FBXL5: variants seen among roughly 807,000 people sequenced by gnomAD.
FBXL5 encodes F-box/LRR-repeat protein 5.
Under a neutral mutation model 78.3 loss-of-function variants are expected in FBXL5, and 26 were observed. The observed-to-expected ratio is 0.33, with a 90% CI of 0.24 to 0.46. The LOEUF is 0.46. Among genes scored for constraint, FBXL5 ranks in the 20% least tolerant of loss-of-function variants. The probability of loss-of-function intolerance (pLI) is 1.00; values close to 1 mark genes in which losing one functional copy is unlikely to be tolerated. For synonymous variants in FBXL5, 295 were observed against 282.5 expected (o/e 1.04, Z -0.45); for missense variants, 710 against 829.2 (o/e 0.86, Z 1.77).
intron 6 of FBXL5, 151 bp downstream of exon 6, chr4:15,630,515 T>A: frequency 1.7e-6 from 1 of 589,562 alleles, no homozygotes; most frequent in Middle Eastern, 5.1e-4. Flanking sequence ...ATTTCATTAT[T>A]ATTCCTTCAA....
upstream of FBXL5, among the ~76,000 whole-genome samples, chr4:15,659,521 C>T (rs915209286): frequency 6.6e-6 from 1 of 152,102 alleles, no homozygotes; most frequent in Non-Finnish European, 1.5e-5. Context: ...TGAGCTGCAC[C>T]GCAAACTACG....
intron 1 of FBXL5, among the ~76,000 whole-genome samples, chr4:15,647,000 A>AT (rs1212546538): frequency 6.6e-6 from 1 of 151,906 alleles, no homozygotes; most frequent in African/African-American, 2.4e-5. Context: ...AGGTGAGTGG[A>AT]TTACCTGAGG....
chr4:15,654,881 G>C (rs1418884442), intron 1 of FBXL5, among the ~76,000 whole-genome samples: 1 of 152,150 alleles, frequency 6.6e-6, no homozygotes, highest in Non-Finnish European at 1.5e-5. Flanking sequence ...AGGCAGCAGC[G>C]GGAGTCCCAG....
intron 10 of FBXL5, among the ~76,000 whole-genome samples, chr4:15,610,882 C>T (rs899121439): frequency 3.3e-5 from 5 of 151,986 alleles, no homozygotes; most frequent in African/African-American, 1.2e-4. Flanking sequence ...GATAATATGT[C>T]CTATAAGCCT....
upstream of FBXL5, among the ~76,000 whole-genome samples, chr4:15,663,472 A>G (rs937013880): frequency 6.6e-6 from 1 of 152,188 alleles, no homozygotes; most frequent in Non-Finnish European, 1.5e-5. Context: ...GTCTGGGTTC[A>G]AATCTCAGCT....
At chr4:15,650,711 A>C (rs1320257791) in intron 1 of FBXL5, among the ~76,000 whole-genome samples, 2 of 119,348 alleles carry the variant, frequency 1.7e-5, no homozygotes, top group African/African-American at 6.7e-5. Context: ...TCTGTCGCCC[A>C]GGCTGGAGTG....
chr4:15,666,735 G>C (rs186298473), intron 1 of FBXL5, among the ~76,000 whole-genome samples: 50 of 152,132 alleles, frequency 3.3e-4, no homozygotes, highest in Non-Finnish European at 5.6e-4. Context: ...GGGAGGCTGA[G>C]GCTTGAGCCT....
intron 9 of FBXL5, among the ~76,000 whole-genome samples, chr4:15,622,816 G>A (rs1393869153): frequency 6.6e-6 from 1 of 152,154 alleles, no homozygotes; most frequent in Non-Finnish European, 1.5e-5. Flanking sequence ...CCACAGATAA[G>A]ACAGATCCTA....
chr4:15,616,292 C>T (rs1711861947), intron 9 of FBXL5, among the ~76,000 whole-genome samples: 1 of 152,238 alleles, frequency 6.6e-6, no homozygotes, highest in Admixed American at 6.5e-5. Context: ...TTATGGCTGC[C>T]TCTGCTCTGT....
intron 1 of FBXL5, among the ~76,000 whole-genome samples, chr4:15,649,578 CAAAAAAA>C (rs34238482): frequency 3.7e-5 from 3 of 81,354 alleles, no homozygotes; most frequent in Non-Finnish European, 7.3e-5. Flanking sequence ...GACTACGTCT[CAAAAAAA>C]AAAAAAAAAA....
intron 2 of FBXL5, among the ~76,000 whole-genome samples, chr4:15,642,013 G>A (rs1714936837): frequency 6.6e-6 from 1 of 151,424 alleles, no homozygotes; most frequent in Non-Finnish European, 1.5e-5. Context: ...GGGTGACAGA[G>A]CAAGACTCTG....
At chr4:15,646,181 C>A (rs896113544) in intron 1 of FBXL5, among the ~76,000 whole-genome samples, 16 of 152,152 alleles carry the variant, frequency 1.1e-4, no homozygotes, top group African/African-American at 3.9e-4. Flanking sequence ...AAATGAATGA[C>A]TGTAGCTGTA....
At chr4:15,615,120 G>A (rs904776566) in intron 9 of FBXL5, among the ~76,000 whole-genome samples, 22 of 152,162 alleles carry the variant, frequency 1.4e-4, no homozygotes, top group African/African-American at 5.1e-4. Flanking sequence ...CACCGCGCTC[G>A]ATTTCTCACC....
rs1319719844 is a variant in FBXL5 at position 15,605,260 on chromosome 4, G to A, written c.*463C>T. 1 of 152,878 alleles carries A rather than the reference G, an allele frequency of 6.5e-6. No homozygotes were observed. The highest frequency in any genetic ancestry group is 6.5e-5 in the Admixed American group (1 of 15,290). The allele number at this position is 152,878 out of a possible 1,614,324, so 9.5% of individuals were successfully genotyped here. ...GCCTTCTGAGAATCATTGAAATAAA[G>A]GAAATATTACGGAAAAGAGATTAGT... On this transcript the variant is annotated 3_prime_UTR_variant, in exon 11 of 11. Coordinates refer to ENST00000341285, the MANE Select transcript of FBXL5 (RefSeq NM_012161.4).
Position 15,625,423 on chromosome 4 carries a change from A to T in FBXL5, c.1679T>A (p.Met560Lys). The T allele has an allele frequency of 1.2e-6, 2 of 1,614,152 alleles. No individual in the cohort carries two copies. Among genetic ancestry groups the T allele is most frequent in the Non-Finnish European group, 1.7e-6 (2 of 1,180,008 alleles). The change falls in exon 9 of 11, where the codon ATG (methionine) becomes AAG (lysine). Residue 560 changes from methionine to lysine, a missense_variant. Met to Lys is a moderately conservative substitution (Grantham distance 95). Transcript: ENST00000341285. Reference sequence around the variant, plus strand: ...TGCAGAAGATTCTGGGAGTGATGACATAGTTCTTAAAGCTGTTCCTGTACA... The same window carrying T: ...TGCAGAAGATTCTGGGAGTGATGACTTAGTTCTTAAAGCTGTTCCTGTACA... Reference protein sequence around the residue: ...FCCTGTALRTMSSLPESSAMC... With the variant: ...FCCTGTALRTKSSLPESSAMC...
upstream of FBXL5, among the ~76,000 whole-genome samples, chr4:15,663,284 T>C (rs912149333): frequency 8.5e-5 from 13 of 152,224 alleles, no homozygotes; most frequent in Non-Finnish European, 1.6e-4. Context: ...GCATGGGACA[T>C]AGTAGCCATT....
upstream of FBXL5, chr4:15,655,482 G>GGC (rs1387391582): frequency 2.6e-6 from 2 of 759,660 alleles, no homozygotes; most frequent in African/African-American, 3.8e-5. Flanking sequence ...CACGTGACCG[G>GGC]GCGCGCGCAG....
chr4:15,624,147 C>T (rs1180130088), intron 9 of FBXL5, among the ~76,000 whole-genome samples: 1 of 152,062 alleles, frequency 6.6e-6, no homozygotes, highest in African/African-American at 2.4e-5. Context: ...TATTAAGTAT[C>T]TTTTCTAATG....
chr4:15,623,417 A>C (rs1015309532), intron 9 of FBXL5, among the ~76,000 whole-genome samples: 1 of 152,132 alleles, frequency 6.6e-6, no homozygotes, highest in African/African-American at 2.4e-5. Context: ...GTATTACTTC[A>C]TTCTTTGAAA....
Sources: gnomAD v4.1 joint callset for allele counts (sites outside exome capture counted in the v4.1 genomes callset) on GRCh38, gnomAD v4.1.1 for gene constraint, MANE v1.5 for transcripts, NCBI Gene and HGNC (gene_info 2026-07-23, HGNC 2026-07-21) for gene names.